ADCK2: variants seen among roughly 807,000 people sequenced by gnomAD.
ADCK2 encodes the protein aarF domain containing kinase 2.
In ADCK2, 37 loss-of-function variants were observed where a neutral mutation model predicts 52.3. The observed-to-expected ratio is 0.71, with a 90% CI of 0.54 to 0.93. ADCK2 has a LOEUF of 0.93. Among genes scored for constraint, ADCK2 ranks in the 40% least tolerant of loss-of-function variants. ADCK2 has a pLI of 0.00. For missense variants in ADCK2, 695 were observed against 798.7 expected, an observed-to-expected ratio of 0.87 and a Z score of 1.56; for synonymous variants, 321 against 349.2, an observed-to-expected ratio of 0.92 and a Z score of 0.90.
rs1204249272 is a variant in ADCK2 at position 140,678,481 on chromosome 7, G to A, written c.1081-674G>A. Among the ~76,000 whole-genome samples the A allele has an allele frequency of 2.0e-5, 3 of 152,110 alleles. No homozygotes were observed. The highest frequency in any genetic ancestry group is 6.5e-5 in the Admixed American group (1 of 15,272). ...TCAAGGGGACACACACGCTCACTTC[G>A]GTCAGGAGAAAGGACATCAGCTCCT... On this transcript the variant is annotated intron_variant, in intron 2 of 7. Transcript: ENST00000072869. The surrounding 1 kb of genome is among the most constrained non-coding windows in gnomAD (Gnocchi z 4.9).
chr7:140,681,239 C>T lies in ADCK2; in HGVS notation c.1305+102C>T, dbSNP rs1052733684. 45 of 1,056,174 alleles carry T rather than the reference C, an allele frequency of 4.3e-5. No homozygotes were observed. In the Admixed American group the frequency reaches 8.6e-4, roughly 20 times the overall value. 65.4% of individuals were successfully genotyped at this position (1,056,174 alleles called of 1,614,324 possible). A position where few individuals can be genotyped will look rare whatever the true frequency, so the allele number is the denominator to read the frequency against. On this transcript the variant is annotated intron_variant, in intron 4 of 7. Coordinates refer to ENST00000072869, the MANE Select transcript of ADCK2 (RefSeq NM_052853.4). ...TATCTGGGTGGGAAGGAGAGCGAAGCAGCAAGCCGCCAGGTTGAGAAAGTC... is the reference window on the plus strand; with the variant it reads ...TATCTGGGTGGGAAGGAGAGCGAAGTAGCAAGCCGCCAGGTTGAGAAAGTC...
At chr7:140,684,964 C>T (rs887634964) in intron 4 of ADCK2, among the ~76,000 whole-genome samples, 3 of 152,042 alleles carry the variant, frequency 2.0e-5, no homozygotes, top group African/African-American at 7.2e-5. Context: ...GGGAGAAGCA[C>T]CATGAAGCAG....
chr7:140,690,100 G>T, intron 6 of ADCK2, among the ~76,000 whole-genome samples: 1 of 152,180 alleles, frequency 6.6e-6, no homozygotes, highest in Non-Finnish European at 1.5e-5. Flanking sequence ...TCTAGCAAAT[G>T]TGACTGTTTT....
intron 4 of ADCK2, among the ~76,000 whole-genome samples, chr7:140,686,228 G>C (rs1794602262): frequency 6.6e-6 from 1 of 152,038 alleles, no homozygotes; most frequent in African/African-American, 2.4e-5. Flanking sequence ...TAAAAATAAG[G>C]CATTTCAAAT....
In ADCK2 at chr7:140,690,427, T is replaced by G. The variant is rs1471226535; in HGVS notation, c.1687-333T>G. Among the ~76,000 whole-genome samples, 3 of 151,206 alleles carry G rather than the reference T, an allele frequency of 2.0e-5. No homozygotes were observed. The East Asian group carries it at 5.9e-4, about 30-fold the overall frequency. ...CATGTTGGCCAGGCTGGTCTCGAAC[T>G]CCTGACCTCAAGTGATCCGCCCGCC... On this transcript the variant is annotated intron_variant, in intron 6 of 7. Transcript: ENST00000072869.
Position 140,674,896 on chromosome 7 carries a change from TAAAG to T in ADCK2, c.1080+142_1080+145del. 9.0e-7 allele frequency: 1 copy of T among 1,111,966 alleles called. No homozygotes were observed. The highest frequency in any genetic ancestry group is 1.2e-6 in the Non-Finnish European group (1 of 811,340). 68.9% of individuals were successfully genotyped at this position (1,111,966 alleles called of 1,614,324 possible). On this transcript the variant is annotated intron_variant, in intron 2 of 7. Transcript: ENST00000072869. The surrounding 1 kb of genome is among the most constrained non-coding windows in gnomAD (Gnocchi z 4.6). ...TGTTAGAGCTGGTAACACTAGCTGATAAAGAACATCCAAATCTCAGTGGCTTAAT... is the reference window on the plus strand; with the variant it reads ...TGTTAGAGCTGGTAACACTAGCTGATAACATCCAAATCTCAGTGGCTTAAT...
intron 4 of ADCK2, among the ~76,000 whole-genome samples, chr7:140,682,760 C>T (rs1385967875): frequency 2.1e-5 from 3 of 143,150 alleles, no homozygotes; most frequent in African/African-American, 5.2e-5. Flanking sequence ...GAGGCTGAGG[C>T]GGGGAGATTG....
In ADCK2 at chr7:140,673,568, C is replaced by A; in HGVS notation, c.238C>A (p.Pro80Thr). The A allele has an allele frequency of 3.1e-6, 5 of 1,601,372 alleles. No individual in the cohort carries two copies. Among genetic ancestry groups the A allele is most frequent in the South Asian group, 1.1e-5 (1 of 90,574 alleles). The change falls in exon 1 of 8, where the codon CCC becomes ACC. Residue 80 changes from proline to threonine, a missense_variant. By Grantham distance (38) the Pro-to-Thr change is conservative. Coordinates refer to ENST00000072869, the MANE Select transcript of ADCK2 (RefSeq NM_052853.4). The surrounding 1 kb of genome is among the most constrained non-coding windows in gnomAD (Gnocchi z 6.4). ...VRCSGAAGAG[P>T]AESLPRAGPL... is the part of the protein sequence containing the mutation. ...CTGCAGCGGGGCGGCTGGCGCGGGGCCCGCGGAGAGCCTCCCCCGAGCGGG... is the reference window on the plus strand; with the variant it reads ...CTGCAGCGGGGCGGCTGGCGCGGGGACCGCGGAGAGCCTCCCCCGAGCGGG...
intron 4 of ADCK2, among the ~76,000 whole-genome samples, chr7:140,683,282 TAAAC>T (rs3048843): frequency 9.9e-5 from 15 of 152,158 alleles, no homozygotes; most frequent in South Asian, 2.1e-4. Context: ...AGACTCCGTC[TAAAC>T]AAACAAACAA....
Position 140,687,035 on chromosome 7 carries a change from AT to A in ADCK2, c.1352del (p.Ile451ThrfsTer55). 1 of 1,614,140 alleles carries A rather than the reference AT, an allele frequency of 6.2e-7. No homozygotes were observed. On this transcript the variant is annotated frameshift_variant, in exon 5 of 8. Coordinates refer to ENST00000072869, the MANE Select transcript of ADCK2 (RefSeq NM_052853.4). LOFTEE classifies it high-confidence loss of function. Reference sequence around the variant, plus strand: ...CCATGCAGACCTTCACCCTGGAAACATCCTGGTTCAGGGTGCCAACGGCCTG... The same window carrying A: ...CCATGCAGACCTTCACCCTGGAAACACCTGGTTCAGGGTGCCAACGGCCTG... ...FVHADLHPGNILVQGANGLSS... is the reference protein window; with the variant it reads ...FVHADLHPGNXLVQGANGLSS...
At position 140,695,010 on chromosome 7, in the gene ADCK2, G is replaced by A; in HGVS notation, c.*207G>A. 1 of 1,310,610 alleles carries A rather than the reference G, an allele frequency of 7.6e-7. No individual in the cohort carries two copies. Among genetic ancestry groups the A allele is most frequent in the Non-Finnish European group, 9.7e-7 (1 of 1,032,314 alleles). 81.2% of individuals were successfully genotyped at this position (1,310,610 alleles called of 1,614,324 possible). A position where few individuals can be genotyped will look rare whatever the true frequency, so the allele number is the denominator to read the frequency against. On this transcript the variant is annotated 3_prime_UTR_variant, in exon 8 of 8. Coordinates refer to ENST00000072869, the MANE Select transcript of ADCK2 (RefSeq NM_052853.4). ...ATTAGGGAGTAAAAGGAGGGAAGGG[G>A]CCTATCCATTCCATTGTGGAAGCTG...
chr7:140,687,371 G>C, intron 5 of ADCK2, 130 bp downstream of exon 5: 2 of 1,269,546 alleles, frequency 1.6e-6, no homozygotes, highest in Non-Finnish European at 2.1e-6. Flanking sequence ...CTTGAGCCCA[G>C]GAGTTCAAGG....
chr7:140,679,007 C>T (rs981547688), intron 2 of ADCK2, 148 bp from the exon 3 acceptor site: 23 of 982,238 alleles, frequency 2.3e-5, no homozygotes, highest in African/African-American at 8.2e-5. Context: ...CCACGGATGT[C>T]GCCTCCTGAG....
chr7:140,692,134 C>A (rs971796639), intron 7 of ADCK2, among the ~76,000 whole-genome samples: 3 of 152,202 alleles, frequency 2.0e-5, no homozygotes, highest in African/African-American at 7.2e-5. Flanking sequence ...TGCAACAGAT[C>A]TCTAGGTCTT....
In ADCK2 at chr7:140,695,100, T is replaced by C; in HGVS notation, c.*297T>C. The C allele has an allele frequency of 2.6e-6, 3 of 1,141,074 alleles. No homozygotes were observed. The highest frequency in any genetic ancestry group is 3.2e-6 in the Non-Finnish European group (3 of 930,162). 70.7% of individuals were successfully genotyped at this position (1,141,074 alleles called of 1,614,324 possible). Reference sequence around the variant, plus strand: ...ATGTGGAGGAGGACGAATAAATTTATTTTGTTTTCCTGTTTTTCTCATTTC... The same window carrying C: ...ATGTGGAGGAGGACGAATAAATTTACTTTGTTTTCCTGTTTTTCTCATTTC... On this transcript the variant is annotated 3_prime_UTR_variant, in exon 8 of 8. Transcript: ENST00000072869.
rs942212955 is a variant in ADCK2 at position 140,686,786 on chromosome 7, A to T, written c.1306-204A>T. The stretch of plus-strand genomic sequence containing the variant: ...AAAAATGCTTTTTACTTTGAAAATA[A>T]TTTTTCTCTTGAAAACTTTAACTTA... On this transcript the variant is annotated intron_variant, in intron 4 of 7. Coordinates refer to ENST00000072869, the MANE Select transcript of ADCK2 (RefSeq NM_052853.4). 2.0e-5 allele frequency among the ~76,000 whole-genome samples: 3 copies of T among 152,082 alleles called. 1 individual carries two copies. Among genetic ancestry groups the T allele is most frequent in the Non-Finnish European group, 4.4e-5 (3 of 68,006 alleles).
At chr7:140,689,448 G>A (rs1026908535) in intron 5 of ADCK2, 149 bp from the exon 6 acceptor site, 205 of 972,086 alleles carry the variant, frequency 2.1e-4, no homozygotes, top group Non-Finnish European at 2.8e-4. Context: ...TATGGGCAAA[G>A]GGAAAAGGTC....
intron 7 of ADCK2, among the ~76,000 whole-genome samples, chr7:140,691,739 A>G (rs1308018857): frequency 6.6e-6 from 1 of 152,238 alleles, no homozygotes; most frequent in Admixed American, 6.5e-5. Context: ...CCATTGCATT[A>G]CTTAACTATA....
At chr7:140,681,855 A>G (rs1729059558) in intron 4 of ADCK2, among the ~76,000 whole-genome samples, 1 of 151,272 alleles carries the variant, frequency 6.6e-6, no homozygotes, top group Non-Finnish European at 1.5e-5. Flanking sequence ...TCCTGGGATC[A>G]AGCGATCCTC....
Sources: gnomAD v4.1 joint callset for allele counts (sites outside exome capture counted in the v4.1 genomes callset) on GRCh38, gnomAD v4.1.1 for gene constraint, Gnocchi (gnomAD v3.1) non-coding constraint, MANE v1.5 for transcripts, NCBI Gene and HGNC (gene_info 2026-07-23, HGNC 2026-07-21) for gene names.